Variants in ZNF782 observed in about 807,000 individuals in gnomAD.
The protein encoded by ZNF782 is zinc finger protein 782.
In ZNF782, 12 loss-of-function variants were observed where a neutral mutation model predicts 13.0. The ratio of observed to expected loss-of-function variants is 0.92; its 90% confidence interval spans 0.59 to 1.50. The LOEUF is 1.50. Among genes scored for constraint, ZNF782 ranks in the 40% most tolerant of loss-of-function variants. The pLI is 0.00. For missense variants in ZNF782, 770 were observed against 822.9 expected (o/e 0.94, Z 0.79); for synonymous variants, 284 against 283.0 (o/e 1.00, Z -0.04).
chr9:96,847,508 A>G (rs1851375412), intron 3 of ZNF782, among the ~76,000 whole-genome samples: 1 of 152,212 alleles, frequency 6.6e-6, no homozygotes, highest in African/African-American at 2.4e-5. Flanking sequence ...ACAGAAATAC[A>G]AAAGATCTTT....
intron 1 of ZNF782, among the ~76,000 whole-genome samples, chr9:96,868,576 T>A (rs1461032067): frequency 6.6e-6 from 1 of 152,266 alleles, no homozygotes; most frequent in African/African-American, 2.4e-5. Flanking sequence ...TTCTTAAGAT[T>A]ATGTAGTTTT....
intron 5 of ZNF782, among the ~76,000 whole-genome samples, chr9:96,826,315 C>T (rs1194116419): frequency 9.1e-5 from 13 of 143,640 alleles, no homozygotes; most frequent in South Asian, 4.5e-4. Context: ...AACCAAACAC[C>T]GCATATTCTC....
the ZNF782 span, among the ~76,000 whole-genome samples, chr9:96,903,918 T>C: frequency 6.6e-6 from 1 of 152,074 alleles, no homozygotes; most frequent in South Asian, 2.1e-4. Context: ...GGTCATATAG[T>C]AAGTATATGT....
At chr9:96,841,522 T>C (rs1417727303) in intron 4 of ZNF782, among the ~76,000 whole-genome samples, 3 of 151,958 alleles carry the variant, frequency 2.0e-5, no homozygotes, top group Non-Finnish European at 2.9e-5. Context: ...AAGAATTCTA[T>C]GACATTACCA....
the ZNF782 span, among the ~76,000 whole-genome samples, chr9:96,912,171 G>T: frequency 1.7e-4 from 23 of 138,350 alleles, 1 homozygote; most frequent in Non-Finnish European, 2.9e-4. Flanking sequence ...TCGCACTGCA[G>T]CTTGGGCAAG....
chr9:96,920,424 G>A, the ZNF782 span, among the ~76,000 whole-genome samples: 1 of 149,406 alleles, frequency 6.7e-6, no homozygotes, highest in Non-Finnish European at 1.5e-5. Flanking sequence ...CCACCACCAT[G>A]CCCGGCTAAT....
chr9:96,930,871 GGTTTTTTTTTTTTTTTTTTTTTTT>G, the ZNF782 span, among the ~76,000 whole-genome samples: 1 of 104,404 alleles, frequency 9.6e-6, no homozygotes, highest in Non-Finnish European at 1.9e-5. Flanking sequence ...TCCATCCAGT[GGTTTTTTTTTTTTTTTTTTTTTTT>G]TTTTTTTTTT....
the ZNF782 span, among the ~76,000 whole-genome samples, chr9:96,901,941 C>T: frequency 2.7e-5 from 4 of 148,114 alleles, no homozygotes; most frequent in African/African-American, 9.9e-5. Flanking sequence ...ATAATTCAAT[C>T]AATAAATATG....
chr9:96,840,950 A>G (rs1851170393), intron 4 of ZNF782, among the ~76,000 whole-genome samples: 1 of 152,074 alleles, frequency 6.6e-6, no homozygotes. Context: ...AGAAAGATCA[A>G]TGAGAGAAAA....
chr9:96,872,558 G>GTTTTTAA (rs1364640254), intron 1 of ZNF782, among the ~76,000 whole-genome samples: 1 of 151,876 alleles, frequency 6.6e-6, no homozygotes, highest in Non-Finnish European at 1.5e-5. Flanking sequence ...TGACTAGTAT[G>GTTTTTAA]TTTTTAACTC....
chr9:96,849,168 G>C lies in ZNF782; in HGVS notation c.15+2779C>G, dbSNP rs544730248. ...ATTTTTCCATGGACCAGCGGTGGTG[G>C]GGTGGGGATGGTTTCAAGATTAAAC... On this transcript the variant is annotated intron_variant, in intron 3 of 5. Coordinates refer to ENST00000481138, the MANE Select transcript of ZNF782 (RefSeq NM_001001662.3). Among the ~76,000 whole-genome samples the C allele has an allele frequency of 3.9e-5, 6 of 152,316 alleles. No individual in the cohort carries two copies. In the South Asian group the frequency reaches 8.3e-4, roughly 21 times the overall value.
rs747570689 is a variant in ZNF782 at position 96,816,326 on chromosome 9, G to C, written c.*1597C>G. ...GTGGCAAATTGTAGCTGATGTCAAA[G>C]TAGTTATAAAGCAAGGGGAACACAA... is the stretch of plus-strand genomic sequence containing the variant. On this transcript the variant is annotated 3_prime_UTR_variant, in exon 6 of 6. Coordinates refer to ENST00000481138, the MANE Select transcript of ZNF782 (RefSeq NM_001001662.3). 4.6e-5 allele frequency: 7 copies of C among 152,166 alleles called. No homozygotes were observed. Among genetic ancestry groups the C allele is most frequent in the Non-Finnish European group, 7.4e-5 (5 of 68,024 alleles). 9.4% of individuals were successfully genotyped at this position (152,166 alleles called of 1,614,324 possible).
At chr9:96,821,618 A>G (rs1315005776) in intron 5 of ZNF782, among the ~76,000 whole-genome samples, 2 of 152,028 alleles carry the variant, frequency 1.3e-5, no homozygotes, top group African/African-American at 4.8e-5. Context: ...CGGCACGTGC[A>G]TGGTTAAATG....
chr9:96,902,893 C>T, the ZNF782 span: 1 of 151,048 alleles, frequency 6.6e-6, no homozygotes, highest in Non-Finnish European at 1.5e-5. Context: ...GCCTCCCCCT[C>T]CTGGGTTCCA....
the ZNF782 span, among the ~76,000 whole-genome samples, chr9:96,915,035 G>C: frequency 1.3e-5 from 2 of 151,314 alleles, no homozygotes; most frequent in East Asian, 4.1e-4. Flanking sequence ...GTTCACAGCA[G>C]GGTCCCTCTT....
At chr9:96,874,043 C>T (rs1482779952) in intron 1 of ZNF782, among the ~76,000 whole-genome samples, 1 of 152,112 alleles carries the variant, frequency 6.6e-6, no homozygotes, top group Non-Finnish European at 1.5e-5. Context: ...ATACAGACAC[C>T]AGTGAAATTT....
chr9:96,883,743 T>C, the ZNF782 span, among the ~76,000 whole-genome samples: 6 of 152,276 alleles, frequency 3.9e-5, no homozygotes, highest in South Asian at 1.2e-3. Context: ...TAGAAATCTT[T>C]GGAAACAAAA....
the ZNF782 span, chr9:96,931,656 A>T: frequency 6.3e-7 from 1 of 1,591,194 alleles, no homozygotes. Flanking sequence ...GACTCCCCTG[A>T]TTCCCCAGTG....
intron 1 of ZNF782, among the ~76,000 whole-genome samples, chr9:96,872,359 C>T (rs1300145440): frequency 6.6e-6 from 1 of 152,044 alleles, no homozygotes. Flanking sequence ...GGTGAAACCT[C>T]ATCTCTACTA....
Sources: gnomAD v4.1 joint callset for allele counts (sites outside exome capture counted in the v4.1 genomes callset) on GRCh38, gnomAD v4.1.1 for gene constraint, MANE v1.5 for transcripts, NCBI Gene and HGNC (gene_info 2026-07-23, HGNC 2026-07-21) for gene names.